The following PLAG1 variants were observed in gnomAD, a reference collection of about 807,000 sequenced individuals.
PLAG1 encodes the protein PLAG1 zinc finger.
Under a neutral mutation model 35.5 loss-of-function variants are expected in PLAG1, and 7 were observed. The ratio of observed to expected loss-of-function variants is 0.20; its 90% confidence interval spans 0.11 to 0.37. The LOEUF (loss-of-function observed/expected upper bound fraction) is 0.37. PLAG1 is among the 10% of genes least tolerant of loss of function. The probability of loss-of-function intolerance (pLI) is 1.00; values close to 1 mark genes in which losing one functional copy is unlikely to be tolerated. For missense variants in PLAG1, 454 were observed against 602.8 expected (o/e 0.75, Z 2.58); for synonymous variants, 229 against 225.4 (o/e 1.02, Z -0.14).
chr8:56,164,703 A>T lies in PLAG1; in HGVS notation c.*1540T>A. 4.6e-6 allele frequency: 1 copy of T among 218,388 alleles called. No homozygotes were observed. The highest frequency in any genetic ancestry group is 1.4e-3 in the Middle Eastern group (1 of 702). 13.5% of individuals were successfully genotyped at this position (218,388 alleles called of 1,614,324 possible). A position where few individuals can be genotyped will look rare whatever the true frequency, so the allele number is the denominator to read the frequency against. ...GTTAATGTCCCAACTGACCCTTAGA[A>T]AAATATATTAATTAGACCTTTAAGA... On this transcript the variant is annotated 3_prime_UTR_variant, in exon 5 of 5. Transcript: ENST00000316981.
At chr8:56,194,014 G>A (rs1373168230) in intron 1 of PLAG1, among the ~76,000 whole-genome samples, 1 of 151,946 alleles carries the variant, frequency 6.6e-6, no homozygotes, top group Non-Finnish European at 1.5e-5. Context: ...CACCACGCCC[G>A]GCCTTCATTA....
rs1227386891 is a variant in PLAG1, at chr8:56,166,154, T to C, written c.*89A>G. On this transcript the variant is annotated 3_prime_UTR_variant, in exon 5 of 5. Coordinates refer to ENST00000316981, the MANE Select transcript of PLAG1 (RefSeq NM_002655.3). ...TATTATACAAAAGCAGAAATTTTTA[T>C]ACTGTTTTAAAGTAGGCACTAAAAT... The C allele has an allele frequency of 5.7e-6, 5 of 883,446 alleles. No individual in the cohort carries two copies. In the Admixed American group the frequency reaches 7.7e-5, roughly 14 times the overall value. The allele number at this position is 883,446 out of a possible 1,614,324, so 54.7% of individuals were successfully genotyped here. A position where few individuals can be genotyped will look rare whatever the true frequency, so the allele number is the denominator to read the frequency against.
chr8:56,209,597 T>A (rs910632327), intron 1 of PLAG1: 3 of 152,260 alleles, frequency 2.0e-5, no homozygotes, highest in Non-Finnish European at 4.4e-5. Context: ...TTAACATCAA[T>A]GTGATGCAAG....
chr8:56,199,395 C>A (rs1288892211), intron 1 of PLAG1, among the ~76,000 whole-genome samples: 2 of 151,838 alleles, frequency 1.3e-5, no homozygotes, highest in African/African-American at 4.8e-5. Flanking sequence ...AATGAAGGGG[C>A]AGGATAGCTA....
At chr8:56,210,768 AGAG>A (rs527954259) in intron 1 of PLAG1, among the ~76,000 whole-genome samples, 61 of 149,306 alleles carry the variant, frequency 4.1e-4, no homozygotes, top group South Asian at 1.1e-3. Flanking sequence ...ACAGCACCAG[AGAG>A]GAGGAGGAGG....
chr8:56,186,090 G>C (rs1433441672), intron 1 of PLAG1, among the ~76,000 whole-genome samples: 1 of 152,158 alleles, frequency 6.6e-6, no homozygotes, highest in Non-Finnish European at 1.5e-5. Flanking sequence ...TTGGAGCTAA[G>C]AGCAAGAGAG....
chr8:56,178,349 C>A (rs1253020941), intron 2 of PLAG1, among the ~76,000 whole-genome samples: 1 of 151,012 alleles, frequency 6.6e-6, no homozygotes, highest in African/African-American at 2.4e-5. Context: ...TCATTGAAAA[C>A]AAGTTTAAAA....
At chr8:56,193,443 G>T (rs1405854124) in intron 1 of PLAG1, among the ~76,000 whole-genome samples, 1 of 151,934 alleles carries the variant, frequency 6.6e-6, no homozygotes, top group Non-Finnish European at 1.5e-5. Flanking sequence ...ACAAGCTCTG[G>T]GTACATAAAA....
At chr8:56,194,864 AG>A (rs1399396753) in intron 1 of PLAG1, among the ~76,000 whole-genome samples, 2 of 152,176 alleles carry the variant, frequency 1.3e-5, no homozygotes, top group Admixed American at 1.3e-4. Context: ...CTCTGGCTGA[AG>A]GGAAGAAGTC....
At chr8:56,195,684 G>T (rs994699090) in intron 1 of PLAG1, among the ~76,000 whole-genome samples, 1 of 152,194 alleles carries the variant, frequency 6.6e-6, no homozygotes. Context: ...CACCGAGCAG[G>T]TTCCCTTGCC....
chr8:56,161,155 A>C lies in PLAG1; in HGVS notation c.*5088T>G, dbSNP rs1054468479. On this transcript the variant is annotated 3_prime_UTR_variant, in exon 5 of 5. Coordinates refer to ENST00000316981, the MANE Select transcript of PLAG1 (RefSeq NM_002655.3). ...TTACAGAGCTTATACACACACAAAA[A>C]ATATGATCTTTGTCTATATTTTATA... is the stretch of plus-strand genomic sequence containing the variant. The C allele has an allele frequency of 2.1e-5, 4 of 191,910 alleles. No individual in the cohort carries two copies. The highest frequency in any genetic ancestry group is 4.4e-5 in the Non-Finnish European group (4 of 91,534). 11.9% of individuals were successfully genotyped at this position (191,910 alleles called of 1,614,324 possible).
At chr8:56,207,191 A>G (rs1206090797) in intron 1 of PLAG1, among the ~76,000 whole-genome samples, 1 of 152,006 alleles carries the variant, frequency 6.6e-6, no homozygotes, top group Non-Finnish European at 1.5e-5. Context: ...ACACAGCTCA[A>G]GAGGCAAATG....
At position 56,166,889 on chromosome 8, in the gene PLAG1, A is replaced by G; in HGVS notation, c.857T>C (p.Leu286Ser). 2 of 1,614,146 alleles carry G rather than the reference A, an allele frequency of 1.2e-6. No individual in the cohort carries two copies. Among genetic ancestry groups the G allele is most frequent in the Non-Finnish European group, 1.7e-6 (2 of 1,180,000 alleles). The change falls in exon 5 of 5, where the codon TTG becomes TCG. Residue 286 changes from leucine (L) to serine (S), a missense_variant. Leu to Ser is a moderately radical substitution (Grantham distance 145). Around this residue, in one of 4 missense-constraint regions of PLAG1, gnomAD observed 271 missense variants for 315.6 expected, o/e 0.86. Coordinates refer to ENST00000316981, the MANE Select transcript of PLAG1 (RefSeq NM_002655.3). ...TGGAGTGTTGTAGAGGTTTAACTGC[A>G]AAGTGTTTGTGAATGGCTTTGATAA... ...ELLSKPFTNT[L>S]QLNLYNTPFQ...
At position 56,179,428 on chromosome 8, in the gene PLAG1, T is replaced by C; in HGVS notation, c.-236A>G. 6.3e-6 allele frequency: 6 copies of C among 944,988 alleles called. No individual in the cohort carries two copies. Among genetic ancestry groups the C allele is most frequent in the Non-Finnish European group, 7.6e-6 (6 of 792,704 alleles). The allele number at this position is 944,988 out of a possible 1,614,324, so 58.5% of individuals were successfully genotyped here. On this transcript the variant is annotated 5_prime_UTR_variant, in exon 2 of 5. Transcript: ENST00000316981. Reference sequence around the variant, plus strand: ...ACCTACCTGAGGCCCTGCTCCAAACTCTAGCAAGGCAACCTTATTAATAGA... The same window carrying C: ...ACCTACCTGAGGCCCTGCTCCAAACCCTAGCAAGGCAACCTTATTAATAGA...
Position 56,166,130 on chromosome 8 carries a change from A to G in PLAG1, c.*113T>C. ...TTATACTGGCTTAATGAAAATTTGTATTATACAAAAGCAGAAATTTTTATA... is the reference window on the plus strand; with the variant it reads ...TTATACTGGCTTAATGAAAATTTGTGTTATACAAAAGCAGAAATTTTTATA... On this transcript the variant is annotated 3_prime_UTR_variant, in exon 5 of 5. Coordinates refer to ENST00000316981, the MANE Select transcript of PLAG1 (RefSeq NM_002655.3). 1.5e-6 allele frequency: 1 copy of G among 684,656 alleles called. No homozygotes were observed. The highest frequency in any genetic ancestry group is 2.4e-6 in the Non-Finnish European group (1 of 419,154). 42.4% of individuals were successfully genotyped at this position (684,656 alleles called of 1,614,324 possible). A position where few individuals can be genotyped will look rare whatever the true frequency, so the allele number is the denominator to read the frequency against.
chr8:56,169,208 G>A (rs2129225038), intron 3 of PLAG1, among the ~76,000 whole-genome samples: 1 of 152,238 alleles, frequency 6.6e-6, no homozygotes, highest in South Asian at 2.1e-4. Context: ...AAGAGCTGAG[G>A]GCATTGGCCT....
At chr8:56,204,444 T>C (rs930828878) in intron 1 of PLAG1, among the ~76,000 whole-genome samples, 1 of 151,892 alleles carries the variant, frequency 6.6e-6, no homozygotes, top group African/African-American at 2.4e-5. Flanking sequence ...TCAAGAACAA[T>C]TCAATAAATA....
intron 1 of PLAG1, among the ~76,000 whole-genome samples, chr8:56,187,586 A>C (rs1390540204): frequency 6.6e-6 from 1 of 152,174 alleles, no homozygotes; most frequent in Non-Finnish European, 1.5e-5. Context: ...CAAAATGCAA[A>C]GCTGTTATAT....
intron 1 of PLAG1, among the ~76,000 whole-genome samples, chr8:56,199,752 G>A (rs1812496847): frequency 6.6e-6 from 1 of 152,160 alleles, no homozygotes. Context: ...TCCCCTACAG[G>A]AGGGCTGGGC....
Sources: allele counts gnomAD v4.1 joint callset (sites outside exome capture counted in the v4.1 genomes callset), GRCh38; gene constraint gnomAD v4.1.1; regional missense constraint gnomAD v4.1.1; transcripts MANE v1.5; gene names NCBI Gene and HGNC (gene_info 2026-07-23, HGNC 2026-07-21).